The following MYO10 variants were observed in gnomAD, a reference collection of about 807,000 sequenced individuals.
The protein encoded by MYO10 is myosin X, also known as unconventional myosin-X.
Under a neutral mutation model 257.3 loss-of-function variants are expected in MYO10, and 133 were observed. The observed-to-expected ratio is 0.52, with a 90% confidence interval of 0.45 to 0.60. The LOEUF (loss-of-function observed/expected upper bound fraction) is 0.60. MYO10 is among the 20% of genes least tolerant of loss of function. The pLI, the probability that MYO10 is intolerant of heterozygous loss-of-function variation, is 0.00. For synonymous variants in MYO10, 1,104 were observed against 1,028.6 expected, an observed-to-expected ratio of 1.07 and a Z score of -1.40; for missense variants, 2,399 against 2,635.7, an observed-to-expected ratio of 0.91 and a Z score of 1.97.
chr5:16,841,421 G>C (rs1743477859), intron 2 of MYO10, among the ~76,000 whole-genome samples: 1 of 152,168 alleles, frequency 6.6e-6, no homozygotes, highest in Non-Finnish European at 1.5e-5. Flanking sequence ...AACTCCAATA[G>C]TCAGAAGGAT....
At chr5:16,704,199 T>C (rs1293187909) in intron 22 of MYO10, among the ~76,000 whole-genome samples, 1 of 151,728 alleles carries the variant, frequency 6.6e-6, no homozygotes, top group Non-Finnish European at 1.5e-5. Context: ...GTGGTGTGTG[T>C]CTGTAGTCCC....
chr5:16,743,044 C>T (rs1222813966), intron 19 of MYO10, among the ~76,000 whole-genome samples: 2 of 152,026 alleles, frequency 1.3e-5, no homozygotes, highest in African/African-American at 4.8e-5. Flanking sequence ...CTCTTGAACC[C>T]GGGAGACGGA....
chr5:16,902,504 C>T, intron 1 of MYO10: 3 of 1,563,344 alleles, frequency 1.9e-6, no homozygotes, highest in Non-Finnish European at 2.6e-6. Flanking sequence ...CTGCTGCGGC[C>T]TCCACTATGT....
chr5:16,918,876 A>G (rs1280660206), intron 1 of MYO10, among the ~76,000 whole-genome samples: 1 of 152,178 alleles, frequency 6.6e-6, no homozygotes, highest in African/African-American at 2.4e-5. Context: ...ATGAGTGTGC[A>G]GTTGCTGTCA....
At chr5:16,815,973 G>A (rs1383540874) in intron 3 of MYO10, among the ~76,000 whole-genome samples, 1 of 151,362 alleles carries the variant, frequency 6.6e-6, no homozygotes, top group African/African-American at 2.4e-5. Flanking sequence ...AATTTCTCTG[G>A]ACAGGGCTGT....
chr5:16,777,281 T>C (rs1188961593), intron 9 of MYO10, among the ~76,000 whole-genome samples: 1 of 152,184 alleles, frequency 6.6e-6, no homozygotes, highest in East Asian at 1.9e-4. Flanking sequence ...GAAACCGCTC[T>C]GCATTATAAA....
At position 16,769,207 on chromosome 5, in the gene MYO10, G is replaced by C; in HGVS notation, c.931-4C>G. 2 of 1,593,926 alleles carry C rather than the reference G, an allele frequency of 1.3e-6. No homozygotes were observed. The highest frequency in any genetic ancestry group is 2.3e-5 in the South Asian group (2 of 86,242). On this transcript the variant is annotated splice_region_variant and splice_polypyrimidine_tract_variant and intron_variant, in intron 9 of 40. Transcript: ENST00000513610. ...ACTGCATCACGTCCATTGCCGTCTA[G>C]AAGAAAATAAATGTATTTAATTTTA...
At chr5:16,923,105 G>C (rs1746033438) in intron 1 of MYO10, among the ~76,000 whole-genome samples, 1 of 152,090 alleles carries the variant, frequency 6.6e-6, no homozygotes, top group African/African-American at 2.4e-5. Context: ...ATAGTAAGTT[G>C]TCCAGTTTCA....
intron 1 of MYO10, among the ~76,000 whole-genome samples, chr5:16,913,596 A>G (rs904651584): frequency 6.6e-6 from 1 of 152,198 alleles, no homozygotes; most frequent in Non-Finnish European, 1.5e-5. Flanking sequence ...GCAGTGGAAG[A>G]CAGGCTACTG....
intron 19 of MYO10, among the ~76,000 whole-genome samples, chr5:16,746,917 T>C (rs745618301): frequency 4.6e-4 from 70 of 152,338 alleles, no homozygotes; most frequent in Non-Finnish European, 9.3e-4. Context: ...TCCATCTCAA[T>C]GTTAAAATCT....
intron 1 of MYO10, among the ~76,000 whole-genome samples, chr5:16,894,674 C>T (rs1264675130): frequency 6.6e-5 from 10 of 152,178 alleles, no homozygotes; most frequent in South Asian, 2.1e-4. Context: ...GTAAGGGACA[C>T]GCCTCATTCC....
intron 18 of MYO10, among the ~76,000 whole-genome samples, chr5:16,755,280 C>G (rs2126643703): frequency 6.6e-6 from 1 of 152,372 alleles, no homozygotes; most frequent in East Asian, 1.9e-4. Context: ...CTTCTCCTGC[C>G]TCAGCCTCCA....
chr5:16,897,728 G>A (rs947884797), intron 1 of MYO10, among the ~76,000 whole-genome samples: 4 of 152,164 alleles, frequency 2.6e-5, no homozygotes, highest in Non-Finnish European at 2.9e-5. Flanking sequence ...CTCTCCCTGC[G>A]GGTGTGCCGT....
intron 1 of MYO10, among the ~76,000 whole-genome samples, chr5:16,934,543 G>A (rs75876043): frequency 0.016 from 2,489 of 152,236 alleles, 68 homozygotes; most frequent in African/African-American, 0.057. Flanking sequence ...AAAGTCTATG[G>A]ACTAGAAAAT....
chr5:16,847,861 C>T lies in MYO10; in HGVS notation c.121-29694G>A, dbSNP rs189001906. 1.7e-3 allele frequency among the ~76,000 whole-genome samples: 263 copies of T among 152,130 alleles called. 1 individual carries two copies. The highest frequency in any genetic ancestry group is 0.011 in the South Asian group (51 of 4,804). ...TAATTGCACCTGTGAATAGCCACTG[C>T]GCTCCAGTCTGGGCAACATAGCAAG... On this transcript the variant is annotated intron_variant, in intron 2 of 40. Transcript: ENST00000513610.
intron 1 of MYO10, among the ~76,000 whole-genome samples, chr5:16,897,427 G>T (rs961643348): frequency 6.6e-6 from 1 of 151,972 alleles, no homozygotes; most frequent in Non-Finnish European, 1.5e-5. Context: ...AAAGACGTAC[G>T]CCCTACTGGT....
At position 16,817,999 on chromosome 5, in the gene MYO10, T is replaced by G; in HGVS notation, c.279+10A>C. 1 of 1,517,768 alleles carries G rather than the reference T, an allele frequency of 6.6e-7. No homozygotes were observed. Among genetic ancestry groups the G allele is most frequent in the Non-Finnish European group, 8.9e-7 (1 of 1,119,804 alleles). The allele number at this position is 1,517,768 out of a possible 1,614,324, so 94.0% of individuals were successfully genotyped here. A position where few individuals can be genotyped will look rare whatever the true frequency, so the allele number is the denominator to read the frequency against. On this transcript the variant is annotated intron_variant, in intron 3 of 40. Transcript: ENST00000513610. ...AGGATCTTTTTAAAGGAATTACAAGTGGAACTTACATATATTTGATTTCTC... is the reference window on the plus strand; with the variant it reads ...AGGATCTTTTTAAAGGAATTACAAGGGGAACTTACATATATTTGATTTCTC...
At chr5:16,729,335 A>C (rs775736688) in intron 19 of MYO10, among the ~76,000 whole-genome samples, 19 of 152,252 alleles carry the variant, frequency 1.2e-4, no homozygotes, top group Non-Finnish European at 2.6e-4. Flanking sequence ...GTGGATTCAG[A>C]AAATCTGATA....
intron 1 of MYO10, among the ~76,000 whole-genome samples, chr5:16,925,761 A>C (rs1194864946): frequency 3.9e-5 from 6 of 152,202 alleles, no homozygotes; most frequent in Admixed American, 6.5e-5. Context: ...AAAGAACCTC[A>C]GAAATACCTG....
Sources: allele counts gnomAD v4.1 joint callset (sites outside exome capture counted in the v4.1 genomes callset), GRCh38; gene constraint gnomAD v4.1.1; transcripts MANE v1.5; gene names NCBI Gene and HGNC (gene_info 2026-07-23, HGNC 2026-07-21).